The following TLL1 variants were observed in gnomAD, a reference collection of about 807,000 sequenced individuals.
The protein encoded by TLL1 is tolloid like 1, also known as tolloid-like protein 1.
Under a neutral mutation model 128.2 loss-of-function variants are expected in TLL1, and 49 were observed. That is an observed-to-expected ratio of 0.38 (90% confidence interval 0.30 to 0.48). TLL1 has a LOEUF of 0.48. TLL1 is among the 20% of genes least tolerant of loss of function. The probability of loss-of-function intolerance (pLI) is 0.96; values close to 1 mark genes in which losing one functional copy is unlikely to be tolerated. For missense variants in TLL1, 1,123 were observed against 1,242.0 expected, an observed-to-expected ratio of 0.90 and a Z score of 1.44; for synonymous variants, 454 against 418.8, an observed-to-expected ratio of 1.08 and a Z score of -1.03.
chr4:166,075,768 G>A (rs1351475290), intron 17 of TLL1, among the ~76,000 whole-genome samples: 1 of 152,124 alleles, frequency 6.6e-6, no homozygotes, highest in African/African-American at 2.4e-5. Flanking sequence ...GTCACCAAAT[G>A]TACATTGGAA....
chr4:166,077,624 A>G (rs1741093591), intron 17 of TLL1, among the ~76,000 whole-genome samples: 1 of 152,210 alleles, frequency 6.6e-6, no homozygotes, highest in African/African-American at 2.4e-5. Flanking sequence ...TCTGAGCTAC[A>G]GACCCATCAG....
Position 165,888,160 on chromosome 4 carries a change from C to T in TLL1, c.169+14087C>T, listed in dbSNP as rs148680994. ...TTTTTTTGCTGTGCTGACAGCCTCC[C>T]AGTGTTGCACAGAAGTGCTGACTGA... On this transcript the variant is annotated intron_variant, in intron 1 of 20. Transcript: ENST00000061240. Among the ~76,000 whole-genome samples the T allele has an allele frequency of 3.5e-3, 531 of 152,234 alleles. 1 individual carries two copies. The highest frequency in any genetic ancestry group is 5.8e-3 in the Non-Finnish European group (395 of 68,020).
intron 1 of TLL1, among the ~76,000 whole-genome samples, chr4:165,899,907 T>G (rs1731887745): frequency 6.6e-6 from 1 of 152,208 alleles, no homozygotes; most frequent in Non-Finnish European, 1.5e-5. Context: ...GCTACTGTAT[T>G]GGGTGTATAT....
At chr4:165,918,253 T>G (rs2110884111) in intron 1 of TLL1, among the ~76,000 whole-genome samples, 1 of 152,242 alleles carries the variant, frequency 6.6e-6, no homozygotes, top group African/African-American at 2.4e-5. Flanking sequence ...CTTCTTAGAT[T>G]TAAGGGTGAC....
intron 8 of TLL1, 27 bp from the exon 9 acceptor site, chr4:166,025,289 T>G: frequency 1.4e-6 from 2 of 1,464,052 alleles, no homozygotes; most frequent in Non-Finnish European, 1.9e-6. Flanking sequence ...AATTAACCAA[T>G]GATCTTATAT....
intron 1 of TLL1, among the ~76,000 whole-genome samples, chr4:165,931,468 C>T (rs1317967346): frequency 6.6e-6 from 1 of 152,102 alleles, no homozygotes. Flanking sequence ...CCTGTAATCC[C>T]AGCACTTTGG....
At chr4:166,061,192 G>A (rs1172169304) in intron 15 of TLL1, among the ~76,000 whole-genome samples, 1 of 150,032 alleles carries the variant, frequency 6.7e-6, no homozygotes, top group Non-Finnish European at 1.5e-5. Context: ...GCTTTTGTGT[G>A]TCTATTTTTC....
In TLL1 at chr4:166,100,908, G is replaced by A. The variant is rs368682789; in HGVS notation, c.*32G>A. ...AACCTCTGTCAGAACACAAAGGAAT[G>A]TGCATAATGGAGAGAAGACATATTT... On this transcript the variant is annotated 3_prime_UTR_variant, in exon 21 of 21. Coordinates refer to ENST00000061240, the MANE Select transcript of TLL1 (RefSeq NM_012464.5). The A allele has an allele frequency of 6.2e-7, 1 of 1,610,468 alleles. No individual in the cohort carries two copies. The highest frequency in any genetic ancestry group is 1.7e-5 in the Admixed American group (1 of 59,720).
chr4:165,933,338 G>T (rs1033988937), intron 1 of TLL1, among the ~76,000 whole-genome samples: 9 of 151,966 alleles, frequency 5.9e-5, no homozygotes, highest in African/African-American at 1.9e-4. Flanking sequence ...TGTTCCCCAG[G>T]TTCTCTCTGG....
At chr4:165,936,210 TTTTTTC>T (rs1561039399) in intron 1 of TLL1, among the ~76,000 whole-genome samples, 5 of 146,752 alleles carry the variant, frequency 3.4e-5, no homozygotes, top group African/African-American at 1.3e-4. Context: ...ATATATATTT[TTTTTTC>T]TTTTTTCTTT....
intron 1 of TLL1, among the ~76,000 whole-genome samples, chr4:165,986,884 A>G (rs1159710077): frequency 4.6e-5 from 7 of 152,128 alleles, no homozygotes; most frequent in Admixed American, 3.9e-4. Flanking sequence ...TGCAGTATTG[A>G]CAAAGTACAT....
chr4:165,971,850 G>A (rs541120589), intron 1 of TLL1, among the ~76,000 whole-genome samples: 27 of 152,252 alleles, frequency 1.8e-4, no homozygotes, highest in Admixed American at 9.1e-4. Context: ...CTTGCCACTC[G>A]ATGGAATTCA....
chr4:166,065,514 G>A (rs1740528174), intron 15 of TLL1, among the ~76,000 whole-genome samples, 169 bp from the exon 16 acceptor site: 1 of 151,972 alleles, frequency 6.6e-6, no homozygotes, highest in Non-Finnish European at 1.5e-5. Flanking sequence ...TGTGTGCTGG[G>A]ATTACAGGCA....
At chr4:165,935,980 G>A (rs1733741509) in intron 1 of TLL1, among the ~76,000 whole-genome samples, 2 of 150,928 alleles carry the variant, frequency 1.3e-5, no homozygotes, top group South Asian at 4.2e-4. Flanking sequence ...GAGTGGTGGT[G>A]TGTTCTTTTA....
intron 1 of TLL1, among the ~76,000 whole-genome samples, chr4:165,901,942 C>T (rs1053310519): frequency 6.6e-6 from 1 of 152,108 alleles, no homozygotes. Context: ...GATGCCCTGC[C>T]CAGAGAGGAG....
intron 13 of TLL1, among the ~76,000 whole-genome samples, chr4:166,056,414 T>A (rs888225615): frequency 6.6e-6 from 1 of 151,554 alleles, no homozygotes; most frequent in Non-Finnish European, 1.5e-5. Flanking sequence ...ACTTTATGTA[T>A]ATTTTGGGTT....
At chr4:165,938,805 C>A (rs1173111427) in intron 1 of TLL1, among the ~76,000 whole-genome samples, 2 of 145,208 alleles carry the variant, frequency 1.4e-5, no homozygotes, top group Admixed American at 6.8e-5. Context: ...GTACTCCTTT[C>A]TGTAGGTTTC....
intron 1 of TLL1, among the ~76,000 whole-genome samples, chr4:165,970,550 A>T (rs1034044373): frequency 2.0e-5 from 3 of 152,206 alleles, no homozygotes; most frequent in African/African-American, 7.2e-5. Context: ...GAGGCATAAG[A>T]ATGCTAGCAT....
chr4:165,985,400 C>T (rs1736351294), intron 1 of TLL1, among the ~76,000 whole-genome samples: 1 of 151,938 alleles, frequency 6.6e-6, no homozygotes, highest in Admixed American at 6.6e-5. Context: ...ATTTGGTTTC[C>T]AAGTATTTTC....
Sources: gnomAD v4.1 joint callset for allele counts (sites outside exome capture counted in the v4.1 genomes callset) on GRCh38, gnomAD v4.1.1 for gene constraint, MANE v1.5 for transcripts, NCBI Gene and HGNC (gene_info 2026-07-23, HGNC 2026-07-21) for gene names.